The following FGL1 variants were observed in gnomAD, a reference collection of about 807,000 sequenced individuals.
FGL1 encodes fibrinogen like 1, also known as fibrinogen-like protein 1.
Under a neutral mutation model 43.7 loss-of-function variants are expected in FGL1, and 59 were observed. The observed-to-expected ratio is 1.35, with a 90% CI of 1.10 to 1.68. FGL1 has a LOEUF of 1.68. Among genes scored for constraint, FGL1 ranks in the 40% most tolerant of loss-of-function variants. The pLI is 0.00. For synonymous variants in FGL1, 192 were observed against 126.5 expected (o/e 1.52, Z -3.48); for missense variants, 596 against 373.0 (o/e 1.60, Z -4.92).
intron 7 of FGL1, among the ~76,000 whole-genome samples, chr8:17,866,446 G>C (rs1036050145): frequency 6.6e-6 from 1 of 152,200 alleles, no homozygotes; most frequent in African/African-American, 2.4e-5. Flanking sequence ...ACAGTAAGAA[G>C]GAAGAAAAGA....
Position 17,893,586 on chromosome 8 carries a change from C to T in FGL1, c.-18+1861G>A, listed in dbSNP as rs550650974. ...GATAATCCAATAATCAAAAAGGCAC[C>T]CCCTAGTCTGGTAGCATATAAACAA... On this transcript the variant is annotated intron_variant, in intron 1 of 7. Coordinates refer to ENST00000427924, the MANE Select transcript of FGL1 (RefSeq NM_004467.4). Among the ~76,000 whole-genome samples the T allele has an allele frequency of 9.0e-4, 133 of 148,006 alleles. 4 individuals carry two copies. Among genetic ancestry groups the T allele is most frequent in the African/African-American group, 3.4e-3 (129 of 38,292 alleles).
Position 17,871,205 on chromosome 8 carries a change from A to C in FGL1, c.503-2201T>G, listed in dbSNP as rs149230538. ...AGTCAACTGTCTTTAAAAATATTCT[A>C]TTACAGACGAGATGCGGTGGTTCAT... is the stretch of plus-strand genomic sequence containing the variant. On this transcript the variant is annotated intron_variant, in intron 5 of 7. Coordinates refer to ENST00000427924, the MANE Select transcript of FGL1 (RefSeq NM_004467.4). 3.7e-3 allele frequency among the ~76,000 whole-genome samples: 559 copies of C among 152,216 alleles called. 2 individuals carry two copies. The highest frequency in any genetic ancestry group is 0.013 in the African/African-American group (532 of 41,522).
intron 2 of FGL1, 35 bp from the exon 3 acceptor site, chr8:17,882,214 T>G: frequency 6.6e-7 from 1 of 1,525,670 alleles, no homozygotes; most frequent in African/African-American, 1.4e-5. Flanking sequence ...AGTATGCACC[T>G]CATTTTCATG....
At chr8:17,865,405 T>G (rs35521372) in intron 7 of FGL1, among the ~76,000 whole-genome samples, 6,774 of 152,222 alleles carry the variant, frequency 0.045, 521 homozygotes, top group African/African-American at 0.15. Context: ...AAGACTTAGC[T>G]TTCATAATTC....
chr8:17,872,389 G>A (rs1001971102), intron 5 of FGL1, among the ~76,000 whole-genome samples: 4 of 151,238 alleles, frequency 2.6e-5, no homozygotes, highest in Admixed American at 6.6e-5. Flanking sequence ...TGCAACCTCC[G>A]CCTCTTGGGT....
chr8:17,883,335 T>A (rs1365715287), intron 2 of FGL1, among the ~76,000 whole-genome samples: 2 of 108,570 alleles, frequency 1.8e-5, no homozygotes, highest in African/African-American at 3.9e-5. Context: ...TATAATATAT[T>A]AAATAATATA....
intron 3 of FGL1, among the ~76,000 whole-genome samples, chr8:17,875,535 C>CTCTCTCTTTCTTTCTTTCTTTCTT (rs2053437627): frequency 3.9e-5 from 1 of 25,456 alleles, no homozygotes; most frequent in Admixed American, 3.5e-4. Context: ...TTCTTTCTTT[C>CTCTCTCTTTCTTTCTTTCTTTCTT]TCTTTCTTTC....
chr8:17,868,035 G>T (rs545683769), intron 7 of FGL1, among the ~76,000 whole-genome samples: 1 of 152,182 alleles, frequency 6.6e-6, no homozygotes, highest in Non-Finnish European at 1.5e-5. Context: ...AATGTATTCA[G>T]TCAGAGGGTA....
At chr8:17,875,358 G>A (rs1328202299) in intron 3 of FGL1, among the ~76,000 whole-genome samples, 1 of 151,946 alleles carries the variant, frequency 6.6e-6, no homozygotes, top group East Asian at 1.9e-4. Context: ...TACATTCTTA[G>A]ATGTTTTTGC....
chr8:17,872,992 G>C (rs996106688), intron 5 of FGL1, among the ~76,000 whole-genome samples: 2 of 152,146 alleles, frequency 1.3e-5, no homozygotes, highest in East Asian at 3.8e-4. Flanking sequence ...ACAGGTGGTA[G>C]GTTGAAACTT....
intron 5 of FGL1, among the ~76,000 whole-genome samples, chr8:17,871,733 A>G (rs1339855437): frequency 6.6e-6 from 1 of 152,174 alleles, no homozygotes; most frequent in Non-Finnish European, 1.5e-5. Flanking sequence ...GCAGAGACAA[A>G]AACACTGGCT....
intron 3 of FGL1, among the ~76,000 whole-genome samples, chr8:17,881,690 C>T (rs1025728894): frequency 6.6e-6 from 1 of 151,136 alleles, no homozygotes; most frequent in Non-Finnish European, 1.5e-5. Context: ...AAAAAGTAGC[C>T]GGGCCTGGTG....
intron 5 of FGL1, among the ~76,000 whole-genome samples, 156 bp from the exon 6 acceptor site, chr8:17,869,160 T>A (rs1318718403): frequency 6.6e-6 from 1 of 152,166 alleles, no homozygotes; most frequent in African/African-American, 2.4e-5. Context: ...TTTGTATATA[T>A]AACATGAACA....
chr8:17,864,620 G>T lies in FGL1; in HGVS notation c.911C>A (p.Pro304Gln), dbSNP rs532256110. The change falls in exon 8 of 8, where the codon CCA becomes CAA. Residue 304 changes from proline (P) to glutamine (Q), a missense_variant. Physicochemically the swap from Pro to Gln is moderately conservative, Grantham distance 76. Transcript: ENST00000427924. The part of the protein sequence containing the change: ...SLKSVVMKIR[P>Q]NDFIPNVI ...AATTACATTTGGAATAAAATCATTTGGCCTAATTTTCATAACCACAGATTT... is the reference window on the plus strand; with the variant it reads ...AATTACATTTGGAATAAAATCATTTTGCCTAATTTTCATAACCACAGATTT... The T allele has an allele frequency of 6.2e-7, 1 of 1,609,894 alleles. No homozygotes were observed. Among genetic ancestry groups the T allele is most frequent in the East Asian group, 2.2e-5 (1 of 44,844 alleles).
At position 17,895,495 on chromosome 8, in the gene FGL1, C is replaced by G. The variant is rs2053762313; in HGVS notation, c.-66G>C. On this transcript the variant is annotated 5_prime_UTR_variant, in exon 1 of 8. Transcript: ENST00000427924. ...ACCCAGCTCAGGTTCCATCCAGACACTCTGCTTCCCAGGATCCTGTAACTG... is the reference window on the plus strand; with the variant it reads ...ACCCAGCTCAGGTTCCATCCAGACAGTCTGCTTCCCAGGATCCTGTAACTG... 3.1e-6 allele frequency: 4 copies of G among 1,286,484 alleles called. No homozygotes were observed. Among genetic ancestry groups the G allele is most frequent in the Non-Finnish European group, 4.1e-6 (4 of 986,200 alleles). 79.7% of individuals were successfully genotyped at this position (1,286,484 alleles called of 1,614,324 possible).
Position 17,874,457 on chromosome 8 carries a change from C to G in FGL1, c.309G>C (p.Gln103His). 2 of 1,614,070 alleles carry G rather than the reference C, an allele frequency of 1.2e-6. No homozygotes were observed. Residue 103 changes from glutamine (Q) to histidine (H), a missense_variant, in exon 4 of 8, where the codon CAG becomes CAC. Coordinates refer to ENST00000427924, the MANE Select transcript of FGL1 (RefSeq NM_004467.4). The stretch of plus-strand genomic sequence containing the variant: ...AATAAACAGAAAATTCTGCTGGGCT[C>G]TGGAGAGGTTTGATTTTGTAAAATC... ...LSGFYKIKPL[Q>H]SPAEFSVYCD...
chr8:17,865,696 GTGT>G (rs1441189378), intron 7 of FGL1, among the ~76,000 whole-genome samples: 1 of 152,146 alleles, frequency 6.6e-6, no homozygotes, highest in Non-Finnish European at 1.5e-5. Context: ...AAGTTTATGT[GTGT>G]TGTTATGAAA....
intron 7 of FGL1, among the ~76,000 whole-genome samples, chr8:17,865,912 G>A (rs561398102): frequency 9.9e-5 from 15 of 152,238 alleles, no homozygotes; most frequent in South Asian, 2.1e-4. Context: ...CCTACTGAGC[G>A]TTCTCGAAGT....
At chr8:17,870,340 T>A (rs1332964017) in intron 5 of FGL1, among the ~76,000 whole-genome samples, 1 of 152,134 alleles carries the variant, frequency 6.6e-6, no homozygotes, top group Non-Finnish European at 1.5e-5. Flanking sequence ...TAACAAAGAC[T>A]ATTCCTTTTT....
Sources: allele counts gnomAD v4.1 joint callset (sites outside exome capture counted in the v4.1 genomes callset), GRCh38; gene constraint gnomAD v4.1.1; transcripts MANE v1.5; gene names NCBI Gene and HGNC (gene_info 2026-07-23, HGNC 2026-07-21).